The following SIDT2 variants were observed in gnomAD, a reference collection of about 807,000 sequenced individuals.
SIDT2 encodes SID1 transmembrane family, member 2.
A neutral mutation model predicts 114.4 loss-of-function variants in SIDT2; 68 were observed. The observed-to-expected ratio is 0.59, with a 90% CI of 0.49 to 0.73. SIDT2 has a LOEUF of 0.73. Among genes scored for constraint, SIDT2 ranks in the 30% least tolerant of loss-of-function variants. The pLI is 0.00. For synonymous variants in SIDT2, 470 were observed against 438.4 expected, an observed-to-expected ratio of 1.07 and a Z score of -0.90; for missense variants, 918 against 1,097.1, an observed-to-expected ratio of 0.84 and a Z score of 2.31.
Position 117,187,363 on chromosome 11 carries a change from G to A in SIDT2, c.1016-15G>A, listed in dbSNP as rs1018119272. 1.2e-6 allele frequency: 2 copies of A among 1,612,948 alleles called. No homozygotes were observed. Among genetic ancestry groups the A allele is most frequent in the Non-Finnish European group, 1.7e-6 (2 of 1,179,108 alleles). ...TCTTCGTCCAGTGCTAACAGACCTT[G>A]ACTTCTCATTGCAGGTCACCCTCGA... is the stretch of plus-strand genomic sequence containing the variant. On this transcript the variant is annotated splice_polypyrimidine_tract_variant and intron_variant, in intron 10 of 25. Transcript: ENST00000324225.
At chr11:117,194,424 C>T (rs974591001) in intron 24 of SIDT2, among the ~76,000 whole-genome samples, 8 of 152,196 alleles carry the variant, frequency 5.3e-5, no homozygotes, top group Admixed American at 1.3e-4. Context: ...AGTTTACTTA[C>T]GAGACAGATG....
At position 117,189,693 on chromosome 11, in the gene SIDT2, C is replaced by G. The variant is rs969590140; in HGVS notation, c.1420-259C>G. On this transcript the variant is annotated intron_variant, in intron 15 of 25. Coordinates refer to ENST00000324225, the MANE Select transcript of SIDT2 (RefSeq NM_001040455.2). ...CTTTGTAAGCATCAGTTTCCCTTCCCTTTTCTCTGTCCCGTGGGGCAAGAA... is the reference window on the plus strand; with the variant it reads ...CTTTGTAAGCATCAGTTTCCCTTCCGTTTTCTCTGTCCCGTGGGGCAAGAA... 69 of 598,846 alleles carry G rather than the reference C, an allele frequency of 1.2e-4. No homozygotes were observed. In the African/African-American group the frequency reaches 1.2e-3, roughly 10 times the overall value. The allele number at this position is 598,846 out of a possible 1,614,324, so 37.1% of individuals were successfully genotyped here.
In SIDT2 at chr11:117,190,924, A is replaced by G; in HGVS notation, c.1735+184A>G. 1 of 576,736 alleles carries G rather than the reference A, an allele frequency of 1.7e-6. No individual in the cohort carries two copies. The highest frequency in any genetic ancestry group is 3.1e-6 in the Non-Finnish European group (1 of 321,290). The allele number at this position is 576,736 out of a possible 1,614,324, so 35.7% of individuals were successfully genotyped here. A position where few individuals can be genotyped will look rare whatever the true frequency, so the allele number is the denominator to read the frequency against. On this transcript the variant is annotated intron_variant, in intron 18 of 25. Coordinates refer to ENST00000324225, the MANE Select transcript of SIDT2 (RefSeq NM_001040455.2). The surrounding 1 kb of genome is among the most constrained non-coding windows in gnomAD (Gnocchi z 4.1). ...TGGGCACCTAGATGCTGCTTCATTC[A>G]TCTGTCAAGCTATTCCTATGTAAAG...
chr11:117,183,844 C>G lies in SIDT2; in HGVS notation c.768C>G (p.Cys256Trp). 1 of 1,613,898 alleles carries G rather than the reference C, an allele frequency of 6.2e-7. No individual in the cohort carries two copies. The stretch of plus-strand genomic sequence containing the variant: ...TGGTGAAGACCGAAGACCAAGCCTG[C>G]GGGGGCTCCCTGCCTTTCTACCCCT... ...VVVVKTEDQA[C>W]GGSLPFYPFA... The change falls in exon 7 of 26, where the codon TGC (cysteine) becomes TGG (tryptophan). Residue 256 changes from cysteine to tryptophan, a missense_variant. Physicochemically the swap from Cys to Trp is radical, Grantham distance 215 (BLOSUM62 -2). Transcript: ENST00000324225.
chr11:117,182,220 G>T (rs1488926025), intron 4 of SIDT2, 115 bp downstream of exon 4: 2 of 1,218,602 alleles, frequency 1.6e-6, no homozygotes. Context: ...CTCCATGGAG[G>T]GCTCTCTGGA....
intron 8 of SIDT2, among the ~76,000 whole-genome samples, chr11:117,185,572 T>G (rs1001465976): frequency 6.6e-6 from 1 of 151,982 alleles, no homozygotes; most frequent in Non-Finnish European, 1.5e-5. Flanking sequence ...GTTTGAGGGT[T>G]AAGTCAAGGT....
chr11:117,190,561 G>T lies in SIDT2; in HGVS notation c.1618-62G>T. On this transcript the variant is annotated intron_variant, in intron 17 of 25. Transcript: ENST00000324225. The surrounding 1 kb of genome is among the most constrained non-coding windows in gnomAD (Gnocchi z 4.1). ...CACTCCTCTTAGGGTCCCTCTTTTGGGTCCCTTCTTCCCTTCCTGCCTCAC... is the reference window on the plus strand; with the variant it reads ...CACTCCTCTTAGGGTCCCTCTTTTGTGTCCCTTCTTCCCTTCCTGCCTCAC... 1.4e-6 allele frequency: 2 copies of T among 1,390,362 alleles called. No individual in the cohort carries two copies. Among genetic ancestry groups the T allele is most frequent in the Non-Finnish European group, 2.0e-6 (2 of 1,004,378 alleles). The allele number at this position is 1,390,362 out of a possible 1,614,324, so 86.1% of individuals were successfully genotyped here.
rs1435287034 is a variant in SIDT2, at chr11:117,192,781, G to A, written c.2059-39G>A. 6.2e-7 allele frequency: 1 copy of A among 1,613,706 alleles called. No individual in the cohort carries two copies. The highest frequency in any genetic ancestry group is 8.5e-7 in the Non-Finnish European group (1 of 1,179,718). ...TGGGCCTTCTTCCACCACCCTCCCT[G>A]CCCCTGCCCTCAGTCCCTGTGTCCC... On this transcript the variant is annotated intron_variant, in intron 21 of 25. Coordinates refer to ENST00000324225, the MANE Select transcript of SIDT2 (RefSeq NM_001040455.2). This position sits in a 1 kb window ranked among gnomAD's most constrained non-coding sequence, Gnocchi z 5.9.
rs571215339 is a variant in SIDT2 at position 117,183,864 on chromosome 11, A to C, written c.788A>C (p.Tyr263Ser). 6.2e-7 allele frequency: 1 copy of C among 1,613,218 alleles called. No homozygotes were observed. Among genetic ancestry groups the C allele is most frequent in the Admixed American group, 1.7e-5 (1 of 59,992 alleles). The change falls in exon 7 of 26, where the codon TAC (tyrosine) becomes TCC (serine). Residue 263 changes from tyrosine (Y) to serine (S), a missense_variant. Tyr to Ser is a moderately radical substitution (Grantham distance 144). Coordinates refer to ENST00000324225, the MANE Select transcript of SIDT2 (RefSeq NM_001040455.2). ...DQACGGSLPF[Y>S]PFAEDEPVDQ... ...GCCTGCGGGGGCTCCCTGCCTTTCT[A>C]CCCCTTCGCAGAAGGTACATTTTGT...
rs1158093556 is a variant in SIDT2, at chr11:117,182,103, C to G, written c.514C>G (p.Gln172Glu). The G allele has an allele frequency of 6.2e-7, 1 of 1,613,920 alleles. No homozygotes were observed. The highest frequency in any genetic ancestry group is 1.1e-5 in the South Asian group (1 of 91,078). ...FSFNTTAAQP[Q>E]YFKYEFPEGV... ...CTTCAATACCACAGCAGCACAGCCCCAGGTAACATCTCCCTGTTGATTGCT... is the reference window on the plus strand; with the variant it reads ...CTTCAATACCACAGCAGCACAGCCCGAGGTAACATCTCCCTGTTGATTGCT... The change falls in exon 4 of 26, where the codon CAG becomes GAG. Residue 172 changes from glutamine to glutamate, a missense_variant and splice_region_variant. This residue lies in a region of SIDT2 where 553 missense variants were observed against 600.1 expected (regional missense o/e 0.92). Transcript: ENST00000324225.
chr11:117,179,015 CCCCTTCCCGTAG>C lies in SIDT2; in HGVS notation c.-246_-235del. On this transcript the variant is annotated 5_prime_UTR_variant, in exon 1 of 26. Transcript: ENST00000324225. ...GTACTCAGCCCCTCGCGAGCTGGGA[CCCCTTCCCGTAG>C]CCAGCATCCCCTCCCTCCCCGCCCC... is the stretch of plus-strand genomic sequence containing the variant. The C allele has an allele frequency of 1.9e-6, 1 of 536,214 alleles. No homozygotes were observed. Among genetic ancestry groups the C allele is most frequent in the Admixed American group, 3.5e-5 (1 of 28,684 alleles). 33.2% of individuals were successfully genotyped at this position (536,214 alleles called of 1,614,324 possible). A position where few individuals can be genotyped will look rare whatever the true frequency, so the allele number is the denominator to read the frequency against.
chr11:117,179,083 C>CTGGGAGCCTCTTCGGGGCTCT lies in SIDT2; in HGVS notation c.-174_-154dup, dbSNP rs1247409119. 1 of 655,550 alleles carries CTGGGAGCCTCTTCGGGGCTCT rather than the reference C, an allele frequency of 1.5e-6. No individual in the cohort carries two copies. Among genetic ancestry groups the CTGGGAGCCTCTTCGGGGCTCT allele is most frequent in the Non-Finnish European group, 2.6e-6 (1 of 390,680 alleles). The allele number at this position is 655,550 out of a possible 1,614,324, so 40.6% of individuals were successfully genotyped here. A position where few individuals can be genotyped will look rare whatever the true frequency, so the allele number is the denominator to read the frequency against. On this transcript the variant is annotated 5_prime_UTR_variant, in exon 1 of 26. Transcript: ENST00000324225. ...GGCCGCCCCCTCCCCTGCGGGGACC[C>CTGGGAGCCTCTTCGGGGCTCT]TGGGAGCCTCTTCGGGGCTCTTGGG... is the stretch of plus-strand genomic sequence containing the variant.
intron 8 of SIDT2, among the ~76,000 whole-genome samples, chr11:117,184,884 C>T (rs574053778): frequency 6.6e-6 from 1 of 152,212 alleles, no homozygotes; most frequent in African/African-American, 2.4e-5. Context: ...TGCCGCCATG[C>T]CCAGCTAATT....
At position 117,182,576 on chromosome 11, in the gene SIDT2, A is replaced by G; in HGVS notation, c.574A>G (p.Asn192Asp). Reference sequence around the variant, plus strand: ...CTCGGTAATTGTCAAGGTGACCTCCAACAAGGCCTTCCCCTGCTCAGTCAT... The same window carrying G: ...CTCGGTAATTGTCAAGGTGACCTCCGACAAGGCCTTCCCCTGCTCAGTCAT... Reference protein sequence around the residue: ...VDSVIVKVTSNKAFPCSVISI... With the variant: ...VDSVIVKVTSDKAFPCSVISI... Residue 192 changes from asparagine to aspartate, a missense_variant, in exon 5 of 26, where the codon AAC (asparagine) becomes GAC (aspartate). Transcript: ENST00000324225. 6.2e-7 allele frequency: 1 copy of G among 1,614,248 alleles called. No homozygotes were observed. The highest frequency in any genetic ancestry group is 1.1e-5 in the South Asian group (1 of 91,088).
rs774287752 is a variant in SIDT2 at position 117,182,750 on chromosome 11, G to A, written c.646G>A (p.Val216Ile). The change falls in exon 6 of 26, where the codon GTA becomes ATA. Residue 216 changes from valine (V) to isoleucine (I), a missense_variant. Around this residue, in one of 4 missense-constraint regions of SIDT2, gnomAD observed 553 missense variants for 600.1 expected, o/e 0.92. Coordinates refer to ENST00000324225, the MANE Select transcript of SIDT2 (RefSeq NM_001040455.2). ...TCCTGTCTATGACCTGGACAACAAC[G>A]TAGCCTTCATCGGCATGTACCAGAC... ...LCPVYDLDNN[V>I]AFIGMYQTMT... is the part of the protein sequence containing the mutation. 10 of 1,614,150 alleles carry A rather than the reference G, an allele frequency of 6.2e-6. No homozygotes were observed. Among genetic ancestry groups the A allele is most frequent in the African/African-American group, 1.3e-5 (1 of 75,064 alleles).
At position 117,189,908 on chromosome 11, in the gene SIDT2, G is replaced by A. The variant is rs778888003; in HGVS notation, c.1420-44G>A. On this transcript the variant is annotated intron_variant, in intron 15 of 25. Transcript: ENST00000324225. ...CGGATGGCGGGGCGTGGGCTGAGTT[G>A]GGCGTGACGACAGACCCACTCCCTG... 173 of 1,596,784 alleles carry A rather than the reference G, an allele frequency of 1.1e-4. 1 individual carries two copies. The highest frequency in any genetic ancestry group is 1.7e-4 in the Middle Eastern group (1 of 6,042).
intron 18 of SIDT2, 116 bp from the exon 19 acceptor site, chr11:117,191,762 C>A: frequency 7.0e-7 from 1 of 1,429,480 alleles, no homozygotes; most frequent in Non-Finnish European, 9.5e-7. Flanking sequence ...CAGCTCACAC[C>A]ATGGCCGTGG....
chr11:117,186,878 G>T (rs775728836), intron 10 of SIDT2: 5 of 1,295,700 alleles, frequency 3.9e-6, no homozygotes, highest in Non-Finnish European at 5.4e-6. Context: ...GTGTCTGCCT[G>T]CCTTGGGCAG....
In SIDT2 at chr11:117,192,923, C is replaced by T; in HGVS notation, c.2105+57C>T. On this transcript the variant is annotated intron_variant, in intron 22 of 25. Transcript: ENST00000324225. This position sits in a 1 kb window ranked among gnomAD's most constrained non-coding sequence, Gnocchi z 5.9. ...GGTGGACAGCTGGGGACTCGGTCAG[C>T]CACTGGCTGCCTTGGGGGCTAAGGA... The T allele has an allele frequency of 1.9e-6, 3 of 1,604,842 alleles. No individual in the cohort carries two copies. The highest frequency in any genetic ancestry group is 2.6e-6 in the Non-Finnish European group (3 of 1,171,662).
Sources: allele counts gnomAD v4.1 joint callset (sites outside exome capture counted in the v4.1 genomes callset), GRCh38; gene constraint gnomAD v4.1.1; regional missense constraint gnomAD v4.1.1; non-coding constraint Gnocchi (gnomAD v3.1); transcripts MANE v1.5; gene names NCBI Gene and HGNC (gene_info 2026-07-23, HGNC 2026-07-21).